KAT2B: variants seen among roughly 807,000 people sequenced by gnomAD.
The protein encoded by KAT2B is lysine acetyltransferase 2B, also known as histone acetyltransferase KAT2B.
KAT2B carries 36 observed loss-of-function variants against 105.9 expected under a neutral mutation model. That is an observed-to-expected ratio of 0.34 (90% confidence interval 0.26 to 0.45). The LOEUF is 0.45. Among genes scored for constraint, KAT2B ranks in the 20% least tolerant of loss-of-function variants. The pLI, the probability that KAT2B is intolerant of heterozygous loss-of-function variation, is 1.00. For missense variants in KAT2B, 820 were observed against 1,021.6 expected (o/e 0.80, Z 2.69); for synonymous variants, 397 against 377.9 (o/e 1.05, Z -0.59).
In KAT2B at chr3:20,101,357, T is replaced by C. The variant is rs757872004; in HGVS notation, c.740T>C (p.Leu247Ser). 1 of 1,614,044 alleles carries C rather than the reference T, an allele frequency of 6.2e-7. No individual in the cohort carries two copies. Among genetic ancestry groups the C allele is most frequent in the South Asian group, 1.1e-5 (1 of 91,078 alleles). The change falls in exon 5 of 18, where the codon TTG (leucine) becomes TCG (serine). Residue 247 changes from leucine (L) to serine (S), a missense_variant. Physicochemically the swap from Leu to Ser is moderately radical, Grantham distance 145 (BLOSUM62 -2). Around this residue, in one of 6 missense-constraint regions of KAT2B, gnomAD observed 173 missense variants for 249.5 expected, o/e 0.69. Coordinates refer to ENST00000263754, the MANE Select transcript of KAT2B (RefSeq NM_003884.5). Reference protein sequence around the residue: ...PAKERQTIVELAKMFLNRINY... With the variant: ...PAKERQTIVESAKMFLNRINY... ...AAAGAAAGGCAAACAATAGTTGAGT[T>C]GGCAAAAATGTTCCTAAACCGCATC...
At chr3:20,120,949 T>C (rs916149053) in intron 8 of KAT2B, among the ~76,000 whole-genome samples, 14 of 152,062 alleles carry the variant, frequency 9.2e-5, no homozygotes, top group African/African-American at 2.9e-4. Flanking sequence ...AGAAACTCTT[T>C]ACCAGTGAGC....
intron 6 of KAT2B, among the ~76,000 whole-genome samples, chr3:20,113,837 T>C (rs1359961885): frequency 1.3e-5 from 2 of 152,068 alleles, no homozygotes; most frequent in Non-Finnish European, 2.9e-5. Context: ...CTTTAATGTG[T>C]GCCTCTTTCC....
intron 9 of KAT2B, among the ~76,000 whole-genome samples, chr3:20,125,283 C>G (rs931734436): frequency 7.8e-6 from 1 of 128,546 alleles, no homozygotes; most frequent in Admixed American, 9.8e-5. Context: ...CTGGCCTGGG[C>G]GAAAGAGCGA....
In KAT2B at chr3:20,119,733, T is replaced by C; in HGVS notation, c.1276+10T>C. 6.2e-7 allele frequency: 1 copy of C among 1,613,524 alleles called. No individual in the cohort carries two copies. The highest frequency in any genetic ancestry group is 8.5e-7 in the Non-Finnish European group (1 of 1,179,646). On this transcript the variant is annotated intron_variant, in intron 8 of 17. Coordinates refer to ENST00000263754, the MANE Select transcript of KAT2B (RefSeq NM_003884.5). Reference sequence around the variant, plus strand: ...CTTGAGGCAAACCCAGGTAAGCTCTTAAGAGGGGATAAGAGAGGGCTGTGA... The same window carrying C: ...CTTGAGGCAAACCCAGGTAAGCTCTCAAGAGGGGATAAGAGAGGGCTGTGA...
At chr3:20,054,049 C>G (rs7651283) in intron 1 of KAT2B, among the ~76,000 whole-genome samples, 1 of 152,152 alleles carries the variant, frequency 6.6e-6, no homozygotes, top group Non-Finnish European at 1.5e-5. Context: ...CCATCCTCCT[C>G]GGCCTCCCAA....
chr3:20,100,995 T>G (rs1436010278), intron 4 of KAT2B: 1 of 390,774 alleles, frequency 2.6e-6, no homozygotes, highest in Non-Finnish European at 4.6e-6. Context: ...GTTTCAGGGG[T>G]TTTGACCTTT....
rs1051391480 is a variant in KAT2B at position 20,140,473 on chromosome 3, G to A, written c.2004+109G>A. 8.4e-6 allele frequency: 9 copies of A among 1,066,440 alleles called. No individual in the cohort carries two copies. The Middle Eastern group carries it at 9.4e-4, about 111-fold the overall frequency. 66.1% of individuals were successfully genotyped at this position (1,066,440 alleles called of 1,614,324 possible). On this transcript the variant is annotated intron_variant, in intron 13 of 17. Transcript: ENST00000263754. ...TGTGTTTACTGGATAGCAAACTCTC[G>A]GTTTGCTGTGGGTTATCTAGATTTC... is the stretch of plus-strand genomic sequence containing the variant.
intron 6 of KAT2B, 39 bp from the exon 7 acceptor site, chr3:20,114,843 G>GT (rs748292958): frequency 1.0e-3 from 1,142 of 1,143,046 alleles, no homozygotes; most frequent in Non-Finnish European, 1.2e-3. Context: ...CCTTACAGTA[G>GT]TTTTTTTTTA....
intron 6 of KAT2B, among the ~76,000 whole-genome samples, chr3:20,114,657 G>A (rs1274756540): frequency 6.6e-6 from 1 of 152,188 alleles, no homozygotes; most frequent in Non-Finnish European, 1.5e-5. Flanking sequence ...CCTGTGCTGT[G>A]TTAAGCTATG....
At chr3:20,049,376 A>G (rs1415024718) in intron 1 of KAT2B, among the ~76,000 whole-genome samples, 1 of 152,194 alleles carries the variant, frequency 6.6e-6, no homozygotes, top group Non-Finnish European at 1.5e-5. Flanking sequence ...GTCTCACGAC[A>G]TTTGATTCTT....
Position 20,140,242 on chromosome 3 carries a change from A to C in KAT2B, c.1882A>C (p.Ile628Leu). ...KKQGFSKEIKIPKTKYVGYIK... is the reference protein window; with the variant it reads ...KKQGFSKEIKLPKTKYVGYIK... ...TCAGGGTTTCTCCAAAGAAATTAAA[A>C]TACCTAAAACCAAATATGTTGGCTA... The change falls in exon 13 of 18, where the codon ATA becomes CTA. Residue 628 changes from isoleucine to leucine, a missense_variant. Around this residue, in one of 6 missense-constraint regions of KAT2B, gnomAD observed 227 missense variants for 292.9 expected, o/e 0.77. Transcript: ENST00000263754. 2 of 1,608,694 alleles carry C rather than the reference A, an allele frequency of 1.2e-6. No individual in the cohort carries two copies. Among genetic ancestry groups the C allele is most frequent in the Non-Finnish European group, 8.5e-7 (1 of 1,175,162 alleles).
chr3:20,127,636 C>A, intron 11 of KAT2B, 87 bp downstream of exon 11: 1 of 1,296,710 alleles, frequency 7.7e-7, no homozygotes, highest in Non-Finnish European at 1.1e-6. Flanking sequence ...TCTCTCTGTG[C>A]CATGTCCAGA....
chr3:20,066,523 C>T (rs997823355), intron 1 of KAT2B, among the ~76,000 whole-genome samples: 2 of 151,962 alleles, frequency 1.3e-5, no homozygotes, highest in Admixed American at 6.6e-5. Flanking sequence ...CTCAGCTTCC[C>T]GAGTAGCTGG....
intron 1 of KAT2B, among the ~76,000 whole-genome samples, chr3:20,042,745 G>A (rs1019612129): frequency 2.6e-5 from 4 of 151,930 alleles, no homozygotes; most frequent in African/African-American, 7.3e-5. Context: ...CTGAAGTTTT[G>A]GTTTTGTCTA....
intron 1 of KAT2B, among the ~76,000 whole-genome samples, chr3:20,066,945 A>T (rs555887054): frequency 6.6e-6 from 1 of 152,232 alleles, no homozygotes; most frequent in Non-Finnish European, 1.5e-5. Flanking sequence ...CTCAATTTTT[A>T]TTGCCAATTT....
At position 20,103,927 on chromosome 3, in the gene KAT2B, A is replaced by G. The variant is rs191421567; in HGVS notation, c.851+2459A>G. On this transcript the variant is annotated intron_variant, in intron 5 of 17. Transcript: ENST00000263754. ...TGGTTTCTTTCTCTGTCCAAGTGTCATGACTTTTGTGAGTATTCCATGGGT... is the reference window on the plus strand; with the variant it reads ...TGGTTTCTTTCTCTGTCCAAGTGTCGTGACTTTTGTGAGTATTCCATGGGT... Among the ~76,000 whole-genome samples, 16 of 152,254 alleles carry G rather than the reference A, an allele frequency of 1.1e-4. No homozygotes were observed. In the East Asian group the frequency reaches 3.1e-3, roughly 29 times the overall value.
intron 11 of KAT2B, among the ~76,000 whole-genome samples, chr3:20,128,597 G>A (rs1240794894): frequency 2.6e-5 from 4 of 152,118 alleles, no homozygotes; most frequent in East Asian, 1.9e-4. Context: ...AGTTGGTGTC[G>A]CAGTCTGGCG....
rs757973227 is a variant in KAT2B at position 20,152,440 on chromosome 3, C to G, written c.2414C>G (p.Pro805Arg). 1 of 1,613,456 alleles carries G rather than the reference C, an allele frequency of 6.2e-7. No individual in the cohort carries two copies. The highest frequency in any genetic ancestry group is 8.5e-7 in the Non-Finnish European group (1 of 1,179,508). Reference sequence around the variant, plus strand: ...ACCAATTGCAAAGAGTACAACCCCCCTGAGAGTGAATACTACAAATGTGCC... The same window carrying G: ...ACCAATTGCAAAGAGTACAACCCCCGTGAGAGTGAATACTACAAATGTGCC... ...VFTNCKEYNP[P>R]ESEYYKCANI... The change falls in exon 18 of 18, where the codon CCT becomes CGT. Residue 805 changes from proline (P) to arginine (R), a missense_variant. By Grantham distance (103) the Pro-to-Arg change is moderately radical. Around this residue, in one of 6 missense-constraint regions of KAT2B, gnomAD observed 227 missense variants for 292.9 expected, o/e 0.77. Transcript: ENST00000263754.
chr3:20,127,579 G>GA (rs1699428571), intron 11 of KAT2B, 30 bp downstream of exon 11: 2 of 1,607,426 alleles, frequency 1.2e-6, no homozygotes, highest in African/African-American at 2.7e-5. Flanking sequence ...CTTAGAAGAA[G>GA]AGCAGAATGT....
Sources: gnomAD v4.1 joint callset for allele counts (sites outside exome capture counted in the v4.1 genomes callset) on GRCh38, gnomAD v4.1.1 for gene constraint, gnomAD v4.1.1 regional missense constraint, MANE v1.5 for transcripts, NCBI Gene and HGNC (gene_info 2026-07-23, HGNC 2026-07-21) for gene names.